Variants in ADAM23 observed in about 807,000 individuals in gnomAD.
The protein encoded by ADAM23 is ADAM metallopeptidase domain 23.
ADAM23 carries 33 observed loss-of-function variants against 120.1 expected under a neutral mutation model. The observed-to-expected ratio is 0.27, with a 90% CI of 0.21 to 0.37. ADAM23 has a LOEUF of 0.37. Among genes scored for constraint, ADAM23 ranks in the 10% least tolerant of loss-of-function variants. The pLI is 1.00. For missense variants in ADAM23, 862 were observed against 1,058.2 expected (o/e 0.81, Z 2.57); for synonymous variants, 367 against 375.2 (o/e 0.98, Z 0.25).
intron 18 of ADAM23, 82 bp from the exon 19 acceptor site, chr2:206,587,243 A>G (rs1698340241): frequency 2.1e-6 from 2 of 971,696 alleles, no homozygotes; most frequent in Non-Finnish European, 3.1e-6. Flanking sequence ...TATATCCACC[A>G]TGCTTGCATT....
chr2:206,498,378 C>G (rs974591065), intron 3 of ADAM23, among the ~76,000 whole-genome samples: 16 of 152,106 alleles, frequency 1.1e-4, no homozygotes, highest in African/African-American at 3.6e-4. Flanking sequence ...TTTGACAAAC[C>G]TGACAAAAAG....
chr2:206,613,922 T>G (rs1288419332), intron 25 of ADAM23, among the ~76,000 whole-genome samples: 1 of 152,122 alleles, frequency 6.6e-6, no homozygotes, highest in Non-Finnish European at 1.5e-5. Flanking sequence ...AAATTCTAGG[T>G]GATGGTAGGA....
chr2:206,604,030 G>T (rs1177079518), intron 24 of ADAM23, among the ~76,000 whole-genome samples: 2 of 151,888 alleles, frequency 1.3e-5, no homozygotes, highest in Non-Finnish European at 2.9e-5. Flanking sequence ...ACTTTGGGAG[G>T]CCGAGGCAGG....
At chr2:206,573,709 G>C (rs560074300) in intron 18 of ADAM23, among the ~76,000 whole-genome samples, 6 of 152,138 alleles carry the variant, frequency 3.9e-5, no homozygotes, top group African/African-American at 1.2e-4. Flanking sequence ...CCAGATAACT[G>C]TATCAGCTGT....
In ADAM23 at chr2:206,542,126, T is replaced by A; in HGVS notation, c.648T>A (p.Asn216Lys). The A allele has an allele frequency of 6.2e-7, 1 of 1,614,068 alleles. No individual in the cohort carries two copies. The highest frequency in any genetic ancestry group is 8.5e-7 in the Non-Finnish European group (1 of 1,179,916). Residue 216 changes from asparagine (N) to lysine (K), a missense_variant, in exon 5 of 26, where the codon AAT (asparagine) becomes AAA (lysine). By Grantham distance (94) the Asn-to-Lys change is moderately conservative. This residue lies in a region of ADAM23 where 617 missense variants were observed against 813.5 expected (regional missense o/e 0.76). Transcript: ENST00000264377. ...CCAAGGTGGCTCTGTCAACCTGCAATGGACTTCAGTAAGTGGGAATCTCAT... is the reference window on the plus strand; with the variant it reads ...CCAAGGTGGCTCTGTCAACCTGCAAAGGACTTCAGTAAGTGGGAATCTCAT... ...KDSKVALSTC[N>K]GLHGMFEDDT...
chr2:206,514,993 A>T (rs1485239150), intron 3 of ADAM23, among the ~76,000 whole-genome samples: 1 of 152,218 alleles, frequency 6.6e-6, no homozygotes, highest in African/African-American at 2.4e-5. Context: ...AAAATTGTGT[A>T]ACTTGCTTTA....
intron 3 of ADAM23, among the ~76,000 whole-genome samples, chr2:206,515,613 T>C (rs1696714591): frequency 6.6e-6 from 1 of 152,176 alleles, no homozygotes; most frequent in Admixed American, 6.5e-5. Context: ...TCCTGTCTGG[T>C]CTATTATTTC....
intron 24 of ADAM23, among the ~76,000 whole-genome samples, chr2:206,608,411 T>C (rs531369359): frequency 6.6e-6 from 1 of 152,284 alleles, no homozygotes; most frequent in Non-Finnish European, 1.5e-5. Flanking sequence ...GAAGCCTGTT[T>C]CCTCATCCAT....
rs551601245 is a variant in ADAM23, at chr2:206,484,136, G to A, written c.509+2828G>A. On this transcript the variant is annotated intron_variant, in intron 3 of 25. Coordinates refer to ENST00000264377, the MANE Select transcript of ADAM23 (RefSeq NM_003812.4). ...CAAGGGCAGAACTTAGTTTTGAACC[G>A]GTAAAGACAGGTTGTCCTGCACTGG... 5.9e-5 allele frequency among the ~76,000 whole-genome samples: 9 copies of A among 152,272 alleles called. No homozygotes were observed. In the East Asian group the frequency reaches 1.2e-3, roughly 20 times the overall value.
At chr2:206,556,417 A>G (rs1350700921) in intron 9 of ADAM23, among the ~76,000 whole-genome samples, 1 of 152,224 alleles carries the variant, frequency 6.6e-6, no homozygotes. Context: ...TTGAATCTTT[A>G]TGAAAGATGC....
chr2:206,555,890 T>A (rs1412694102), intron 9 of ADAM23, among the ~76,000 whole-genome samples: 1 of 152,224 alleles, frequency 6.6e-6, no homozygotes, highest in Non-Finnish European at 1.5e-5. Context: ...ATATTTTTCC[T>A]TTTACTCTTA....
chr2:206,512,653 G>A (rs1696647047), intron 3 of ADAM23, among the ~76,000 whole-genome samples: 16 of 152,074 alleles, frequency 1.1e-4, no homozygotes, highest in Admixed American at 1.0e-3. Context: ...CTCTGAAAAA[G>A]ACTTTTTTTT....
rs549083426 is a variant in ADAM23 at position 206,550,268 on chromosome 2, C to A, written c.933+108C>A. 1.7e-3 allele frequency: 970 copies of A among 559,202 alleles called. 14 individuals carry two copies. Among genetic ancestry groups the A allele is most frequent in the Non-Finnish European group, 1.8e-4 (62 of 345,444 alleles). 34.6% of individuals were successfully genotyped at this position (559,202 alleles called of 1,614,324 possible). On this transcript the variant is annotated intron_variant, in intron 9 of 25. Transcript: ENST00000264377. ...TTTTACTTATTAACCCCAAGATATT[C>A]AGACATATTAAGTGACTTGATTTAT...
chr2:206,546,466 A>G (rs1408802980), intron 6 of ADAM23, among the ~76,000 whole-genome samples: 3 of 152,200 alleles, frequency 2.0e-5, no homozygotes, highest in Non-Finnish European at 4.4e-5. Context: ...CAAAACTGTT[A>G]TAAGTTTTAT....
intron 2 of ADAM23, among the ~76,000 whole-genome samples, chr2:206,456,130 T>A (rs1046385112): frequency 6.6e-6 from 1 of 152,166 alleles, no homozygotes; most frequent in African/African-American, 2.4e-5. Flanking sequence ...GAAGTTTAAT[T>A]GACTCACAGT....
In ADAM23 at chr2:206,620,859, CA is replaced by C. The variant is rs981271590; in HGVS notation, c.*3235del. 3.3e-5 allele frequency: 5 copies of C among 152,136 alleles called. No homozygotes were observed. Among genetic ancestry groups the C allele is most frequent in the African/African-American group, 9.7e-5 (4 of 41,420 alleles). 9.4% of individuals were successfully genotyped at this position (152,136 alleles called of 1,614,324 possible). A position where few individuals can be genotyped will look rare whatever the true frequency, so the allele number is the denominator to read the frequency against. ...TTACTATGCAAAGATGGGAAATGCA[CA>C]AACTTTTCAAAGACTAGTGTCTGAA... On this transcript the variant is annotated 3_prime_UTR_variant, in exon 26 of 26. Transcript: ENST00000264377.
At chr2:206,587,188 G>A (rs558201239) in intron 18 of ADAM23, 137 bp from the exon 19 acceptor site, 13 of 554,520 alleles carry the variant, frequency 2.3e-5, no homozygotes, top group African/African-American at 5.8e-5. Context: ...AATTAATAAC[G>A]TATTTAAGGA....
intron 4 of ADAM23, among the ~76,000 whole-genome samples, chr2:206,535,219 A>G (rs183913708): frequency 1.3e-5 from 2 of 152,202 alleles, no homozygotes; most frequent in African/African-American, 2.4e-5. Context: ...TTTCAATTCT[A>G]TGTCACTCTC....
intron 18 of ADAM23, among the ~76,000 whole-genome samples, chr2:206,577,724 C>T (rs1190070195): frequency 7.3e-5 from 11 of 149,674 alleles, no homozygotes; most frequent in Non-Finnish European, 1.0e-4. Flanking sequence ...AATAAACATA[C>T]GTGTGCATGT....
Sources: gnomAD v4.1 joint callset for allele counts (sites outside exome capture counted in the v4.1 genomes callset) on GRCh38, gnomAD v4.1.1 for gene constraint, gnomAD v4.1.1 regional missense constraint, MANE v1.5 for transcripts, NCBI Gene and HGNC (gene_info 2026-07-23, HGNC 2026-07-21) for gene names.